The following CACNA1E variants were observed in gnomAD, a reference collection of about 807,000 sequenced individuals.
The protein encoded by CACNA1E is calcium voltage-gated channel subunit alpha1 E.
A neutral mutation model predicts 259.2 loss-of-function variants in CACNA1E; 40 were observed. That is an observed-to-expected ratio of 0.15 (90% CI 0.12 to 0.20). The LOEUF is 0.20. Ranked by LOEUF, CACNA1E falls within the 10% of genes least tolerant of loss-of-function variation. CACNA1E has a pLI of 1.00. For missense variants in CACNA1E, 1,874 were observed against 3,040.1 expected (o/e 0.62, Z 9.02); for synonymous variants, 1,104 against 1,138.5 (o/e 0.97, Z 0.61).
At position 181,550,348 on chromosome 1, in the gene CACNA1E, C is replaced by T. The variant is rs556690890; in HGVS notation, c.513-27418C>T. On this transcript the variant is annotated intron_variant, in intron 3 of 47. Transcript: ENST00000367573. ...GTGTCTTTTGGACTGGGTGTGGTGCCCTATAGAAAGGCTGGAGCTTGGGAC... is the reference window on the plus strand; with the variant it reads ...GTGTCTTTTGGACTGGGTGTGGTGCTCTATAGAAAGGCTGGAGCTTGGGAC... Among the ~76,000 whole-genome samples the T allele has an allele frequency of 7.9e-5, 12 of 152,042 alleles. No homozygotes were observed. In the South Asian group the frequency reaches 8.3e-4, roughly 11 times the overall value.
intron 16 of CACNA1E, among the ~76,000 whole-genome samples, chr1:181,723,039 T>C (rs2102492000): frequency 6.6e-6 from 1 of 152,296 alleles, no homozygotes; most frequent in East Asian, 1.9e-4. Context: ...AGTTGGAAAT[T>C]GAGACTTCAG....
At chr1:181,553,044 A>G (rs557641609) in intron 3 of CACNA1E, among the ~76,000 whole-genome samples, 8 of 152,306 alleles carry the variant, frequency 5.3e-5, no homozygotes, top group Non-Finnish European at 1.0e-4. Context: ...AAGAATGTCA[A>G]TGGTATAGCA....
intron 1 of CACNA1E, among the ~76,000 whole-genome samples, chr1:181,336,576 C>T (rs1458475642): frequency 1.3e-5 from 2 of 152,188 alleles, no homozygotes; most frequent in African/African-American, 4.8e-5. Context: ...ATATATATGA[C>T]ATAAAATTTA....
intron 7 of CACNA1E, among the ~76,000 whole-genome samples, chr1:181,675,388 GAGCGTGTGAGAAAAT>G (rs910273313): frequency 7.2e-5 from 11 of 152,336 alleles, no homozygotes; most frequent in Non-Finnish European, 1.2e-4. Context: ...GCTGTGCTAA[GAGCGTGTGAGAAAAT>G]AGCGTGTGAG....
rs35105143 is a variant in CACNA1E at position 181,798,648 on chromosome 1, C to T, written c.6756C>T (p.Phe2252=). The change falls in exon 48 of 48, where the codon TTC becomes TTT. Residue 2252 remains phenylalanine (F), a synonymous_variant. Coordinates refer to ENST00000367573, the MANE Select transcript of CACNA1E (RefSeq NM_001205293.3). This position sits in a 1 kb window ranked among gnomAD's most constrained non-coding sequence, Gnocchi z 4.2. Reference sequence around the variant, plus strand: ...GTGGTGAGGAGGAGACGCTCACTTTCGAAGCAGCCGTGGCTACTAGCCTGG... The same window carrying T: ...GTGGTGAGGAGGAGACGCTCACTTTTGAAGCAGCCGTGGCTACTAGCCTGG... The part of the protein sequence containing the change: ...SDCGEEETLT[F]EAAVATSLGR... 138 of 1,610,186 alleles carry T rather than the reference C, an allele frequency of 8.6e-5. No homozygotes were observed. Among genetic ancestry groups the T allele is most frequent in the Middle Eastern group, 1.7e-4 (1 of 6,050 alleles).
chr1:181,588,567 A>G (rs1486802427), intron 6 of CACNA1E, among the ~76,000 whole-genome samples: 1 of 152,196 alleles, frequency 6.6e-6, no homozygotes, highest in Non-Finnish European at 1.5e-5. Flanking sequence ...CCAGGATGCC[A>G]TCATGTTTGG....
At chr1:181,583,036 C>CT (rs979685226) in intron 6 of CACNA1E, among the ~76,000 whole-genome samples, 3 of 151,564 alleles carry the variant, frequency 2.0e-5, no homozygotes, top group Non-Finnish European at 4.4e-5. Context: ...GGATTTAGGG[C>CT]TAGGGGGACT....
chr1:181,374,773 C>T (rs1298675748), intron 1 of CACNA1E, among the ~76,000 whole-genome samples: 1 of 152,172 alleles, frequency 6.6e-6, no homozygotes, highest in African/African-American at 2.4e-5. Context: ...GGCTGAAAAA[C>T]TGTTTTAAGT....
intron 25 of CACNA1E, among the ~76,000 whole-genome samples, chr1:181,750,095 G>T (rs1657458043): frequency 6.6e-6 from 1 of 152,260 alleles, no homozygotes; most frequent in African/African-American, 2.4e-5. Flanking sequence ...TTTGTCTGAA[G>T]ACTGCATAGG....
chr1:181,602,902 AC>A (rs1653875378), intron 6 of CACNA1E, among the ~76,000 whole-genome samples: 1 of 152,220 alleles, frequency 6.6e-6, no homozygotes, highest in Non-Finnish European at 1.5e-5. Flanking sequence ...ATCCATACTT[AC>A]GCATGAAAAT....
chr1:181,721,814 T>G lies in CACNA1E; in HGVS notation c.2013T>G (p.Gly671=). Residue 671 remains glycine, a synonymous_variant, in exon 16 of 48, where the codon GGT becomes GGG. Coordinates refer to ENST00000367573, the MANE Select transcript of CACNA1E (RefSeq NM_001205293.3). Reference sequence around the variant, plus strand: ...TGTACAATGGGATCCGCTCCCAGGGTGGGGTCAGCTCAGGCATGTGGTCTG... The same window carrying G: ...TGTACAATGGGATCCGCTCCCAGGGGGGGGTCAGCTCAGGCATGTGGTCTG... ...EVMYNGIRSQ[G]GVSSGMWSAI... is the part of the protein sequence containing the mutation. 6.2e-7 allele frequency: 1 copy of G among 1,613,488 alleles called. No homozygotes were observed. The highest frequency in any genetic ancestry group is 1.1e-5 in the South Asian group (1 of 91,034).
chr1:181,729,916 T>C (rs1332583270), intron 18 of CACNA1E, among the ~76,000 whole-genome samples: 1 of 152,244 alleles, frequency 6.6e-6, no homozygotes, highest in Non-Finnish European at 1.5e-5. Context: ...TACTTCTGTA[T>C]CTACCCATGC....
In CACNA1E at chr1:181,758,090, T is replaced by C. The variant is rs1411334083; in HGVS notation, c.4473T>C (p.Asn1491=). The C allele has an allele frequency of 1.2e-6, 2 of 1,613,858 alleles. No homozygotes were observed. The highest frequency in any genetic ancestry group is 1.7e-6 in the Non-Finnish European group (2 of 1,179,874). ...CCATTATGGCCATGATCGCCTTGAA[T>C]ACTGTTGTGCTGATGATGAAGGTGA... ...EYTIMAMIAL[N]TVVLMMKYYS... is the part of the protein sequence containing the mutation. Residue 1491 remains asparagine, a synonymous_variant, in exon 31 of 48, where the codon AAT becomes AAC. Transcript: ENST00000367573. The surrounding 1 kb of genome is among the most constrained non-coding windows in gnomAD (Gnocchi z 4.2).
In CACNA1E at chr1:181,739,884, A is replaced by AT. The variant is rs796759212; in HGVS notation, c.3719+638dup. On this transcript the variant is annotated intron_variant, in intron 25 of 47. Coordinates refer to ENST00000367573, the MANE Select transcript of CACNA1E (RefSeq NM_001205293.3). ...AAATCATGTTCATAATATTTGTGGGATTTTTTTCCCCCCTGCACATGGATC... is the reference window on the plus strand; with the variant it reads ...AAATCATGTTCATAATATTTGTGGGATTTTTTTTCCCCCCTGCACATGGATC... Among the ~76,000 whole-genome samples the AT allele has an allele frequency of 2.4e-4, 36 of 152,164 alleles. 1 individual carries two copies. The highest frequency in any genetic ancestry group is 7.7e-4 in the African/African-American group (32 of 41,510).
intron 6 of CACNA1E, among the ~76,000 whole-genome samples, chr1:181,595,478 T>A (rs574469580): frequency 6.6e-6 from 1 of 152,312 alleles, no homozygotes; most frequent in South Asian, 2.1e-4. Context: ...CTGCCACATC[T>A]CTGTCACAAG....
upstream of CACNA1E, among the ~76,000 whole-genome samples, chr1:181,480,681 G>T (rs1356697690): frequency 1.3e-5 from 2 of 152,206 alleles, no homozygotes; most frequent in Non-Finnish European, 2.9e-5. Context: ...CTTATTCTGG[G>T]CATTGAGAAG....
At chr1:181,491,738 CT>C (rs1279386534) in intron 1 of CACNA1E, among the ~76,000 whole-genome samples, 3 of 152,224 alleles carry the variant, frequency 2.0e-5, no homozygotes, top group Non-Finnish European at 4.4e-5. Context: ...TTATCTTGTT[CT>C]TTCAGGACTT....
intron 1 of CACNA1E, among the ~76,000 whole-genome samples, chr1:181,509,561 A>G (rs544240631): frequency 2.2e-4 from 33 of 152,326 alleles, no homozygotes; most frequent in African/African-American, 7.7e-4. Flanking sequence ...TGAAATTCCA[A>G]CATGCAGAAT....
At chr1:181,327,102 G>A (rs1193165000) in intron 1 of CACNA1E, among the ~76,000 whole-genome samples, 1 of 152,182 alleles carries the variant, frequency 6.6e-6, no homozygotes, top group Non-Finnish European at 1.5e-5. Context: ...ATCCTTGATG[G>A]CGAGGATTGT....
Sources: allele counts gnomAD v4.1 joint callset (sites outside exome capture counted in the v4.1 genomes callset), GRCh38; gene constraint gnomAD v4.1.1; non-coding constraint Gnocchi (gnomAD v3.1); transcripts MANE v1.5; gene names NCBI Gene and HGNC (gene_info 2026-07-23, HGNC 2026-07-21).